ENTREP2: variants seen among roughly 807,000 people sequenced by gnomAD.
ENTREP2 encodes the protein protein ENTREP2.
the ENTREP2 span, among the ~76,000 whole-genome samples, chr15:29,634,057 G>A: frequency 1.2e-4 from 18 of 152,146 alleles, no homozygotes; most frequent in African/African-American, 4.3e-4. Context: ...TCCACTGGCA[G>A]CCACACCAAG....
chr15:29,185,106 G>A, the ENTREP2 span, among the ~76,000 whole-genome samples: 1 of 151,904 alleles, frequency 6.6e-6, no homozygotes, highest in Non-Finnish European at 1.5e-5. Context: ...TTATTAGCTA[G>A]TTCAACATAC....
chr15:29,539,718 C>T, the ENTREP2 span, among the ~76,000 whole-genome samples: 1 of 152,132 alleles, frequency 6.6e-6, no homozygotes, highest in African/African-American at 2.4e-5. Context: ...ATGGCATTTA[C>T]CTAAACAATG....
chr15:29,424,413 T>C, the ENTREP2 span, among the ~76,000 whole-genome samples: 20 of 152,328 alleles, frequency 1.3e-4, no homozygotes, highest in African/African-American at 4.1e-4. Flanking sequence ...AGAGTGCCGA[T>C]TGGTGCATTT....
At chr15:29,124,790 C>T in the ENTREP2 span, 3 of 1,536,736 alleles carry the variant, frequency 2.0e-6, no homozygotes, top group Middle Eastern at 1.7e-4. Flanking sequence ...TCAGTGAACA[C>T]ATGAAAGGAA....
At chr15:29,306,521 T>A in the ENTREP2 span, among the ~76,000 whole-genome samples, 1 of 152,142 alleles carries the variant, frequency 6.6e-6, no homozygotes, top group Non-Finnish European at 1.5e-5. Flanking sequence ...TAGTTTTAAT[T>A]AACTTTTATA....
At chr15:29,205,633 C>G in the ENTREP2 span, among the ~76,000 whole-genome samples, 1 of 152,170 alleles carries the variant, frequency 6.6e-6, no homozygotes, top group Admixed American at 6.5e-5. Flanking sequence ...GGAGAAATAT[C>G]TATTCAAATC....
At chr15:29,490,246 A>G in the ENTREP2 span, among the ~76,000 whole-genome samples, 1 of 152,178 alleles carries the variant, frequency 6.6e-6, no homozygotes, top group African/African-American at 2.4e-5. Context: ...TTCTCTCCCA[A>G]TGGGTTTATG....
chr15:29,207,251 G>C, the ENTREP2 span, among the ~76,000 whole-genome samples: 48 of 152,294 alleles, frequency 3.2e-4, no homozygotes, highest in Non-Finnish European at 4.9e-4. Context: ...CATTTGGACT[G>C]GCATTGTGTC....
At chr15:29,240,232 C>T in the ENTREP2 span, among the ~76,000 whole-genome samples, 1 of 152,100 alleles carries the variant, frequency 6.6e-6, no homozygotes, top group Non-Finnish European at 1.5e-5. Context: ...GGCGTGGAGG[C>T]ACATGCCTGT....
the ENTREP2 span, among the ~76,000 whole-genome samples, chr15:29,620,080 G>A: frequency 6.6e-6 from 1 of 152,104 alleles, no homozygotes; most frequent in Non-Finnish European, 1.5e-5. Context: ...ATGCAAATGT[G>A]GGAACTGGTT....
the ENTREP2 span, among the ~76,000 whole-genome samples, chr15:29,446,380 G>A: frequency 6.6e-6 from 1 of 152,160 alleles, no homozygotes; most frequent in African/African-American, 2.4e-5. Context: ...GGTGGTTCTT[G>A]GAAGGTTTTT....
chr15:29,340,958 A>G, the ENTREP2 span, among the ~76,000 whole-genome samples: 1 of 152,098 alleles, frequency 6.6e-6, no homozygotes, highest in African/African-American at 2.4e-5. Flanking sequence ...TCACTTATTT[A>G]TGACTCAAAT....
chr15:29,443,448 G>T, the ENTREP2 span, among the ~76,000 whole-genome samples: 1 of 152,108 alleles, frequency 6.6e-6, no homozygotes, highest in African/African-American at 2.4e-5. Flanking sequence ...AAATAGCCAA[G>T]GAGCAGGATT....
chr15:29,544,346 C>A, the ENTREP2 span, among the ~76,000 whole-genome samples: 1 of 152,070 alleles, frequency 6.6e-6, no homozygotes, highest in South Asian at 2.1e-4. Context: ...CAGCTGGGGG[C>A]AGACAATAGG....
At chr15:29,524,902 C>G in the ENTREP2 span, among the ~76,000 whole-genome samples, 2 of 152,238 alleles carry the variant, frequency 1.3e-5, no homozygotes, top group Non-Finnish European at 2.9e-5. Context: ...TGCCCACTCC[C>G]GGCTCGAATG....
chr15:29,630,537 T>A, the ENTREP2 span, among the ~76,000 whole-genome samples: 1 of 152,212 alleles, frequency 6.6e-6, no homozygotes, highest in Non-Finnish European at 1.5e-5. Context: ...TTGGGGAATT[T>A]TCAGCCATTA....
At chr15:29,401,201 G>T in the ENTREP2 span, among the ~76,000 whole-genome samples, 1 of 148,606 alleles carries the variant, frequency 6.7e-6, no homozygotes, top group Non-Finnish European at 1.5e-5. Context: ...AAGGGCCAAT[G>T]AACACATTTA....
chr15:29,176,540 G>A, the ENTREP2 span, among the ~76,000 whole-genome samples: 246 of 152,308 alleles, frequency 1.6e-3, no homozygotes, highest in South Asian at 3.1e-3. Context: ...CCAGACAAAG[G>A]ATAAAATGGA....
chr15:29,222,314 G>A, the ENTREP2 span, among the ~76,000 whole-genome samples: 16 of 152,090 alleles, frequency 1.1e-4, no homozygotes. Flanking sequence ...AAAAAGAAAA[G>A]GCATGAATAA....
Sources: gnomAD v4.1 joint callset for allele counts (sites outside exome capture counted in the v4.1 genomes callset) on GRCh38, gnomAD v4.1.1 for gene constraint, MANE v1.5 for transcripts, NCBI Gene and HGNC (gene_info 2026-07-23, HGNC 2026-07-21) for gene names.